The following SLC27A1 variants were observed in gnomAD, a reference collection of about 807,000 sequenced individuals.
The protein encoded by SLC27A1 is long-chain fatty acid transport protein 1.
Under a neutral mutation model 62.2 loss-of-function variants are expected in SLC27A1, and 61 were observed. That is an observed-to-expected ratio of 0.98 (90% CI 0.80 to 1.21). SLC27A1 has a LOEUF of 1.21. Ranked by LOEUF, SLC27A1 falls within the 50% of genes most tolerant of loss-of-function variation. SLC27A1 has a pLI of 0.00. For missense variants in SLC27A1, 903 were observed against 932.1 expected (o/e 0.97, Z 0.41); for synonymous variants, 435 against 408.6 (o/e 1.06, Z -0.78).
At chr19:17,470,298 T>C (rs562164353), upstream of SLC27A1, 19 of 476,930 alleles carry the variant, frequency 4.0e-5, no homozygotes, top group African/African-American at 3.1e-4. Flanking sequence ...GGCCCTGGTC[T>C]GGTTCCTAGT....
intron 6 of SLC27A1, among the ~76,000 whole-genome samples, chr19:17,492,029 A>G (rs1035282363): frequency 6.6e-6 from 1 of 152,096 alleles, no homozygotes; most frequent in Non-Finnish European, 1.5e-5. Context: ...TTGGGGCTGG[A>G]TCATTCCCTG....
intron 7 of SLC27A1, chr19:17,497,751 C>G (rs556423791): frequency 1.1e-4 from 47 of 445,210 alleles, no homozygotes; most frequent in African/African-American, 9.0e-4. Context: ...CCTTTCTGAG[C>G]CTCAGTTTCT....
At chr19:17,503,404 C>G (rs2075438210) in intron 11 of SLC27A1, 2 of 152,166 alleles carry the variant, frequency 1.3e-5, no homozygotes, top group African/African-American at 4.8e-5. Context: ...GCAAAAGCAG[C>G]CATAGACAAT....
chr19:17,490,440 C>T (rs1201565302), intron 6 of SLC27A1, among the ~76,000 whole-genome samples: 1 of 151,822 alleles, frequency 6.6e-6, no homozygotes, highest in Non-Finnish European at 1.5e-5. Context: ...AGGCATGAGC[C>T]ACTGTACCCA....
chr19:17,504,607 C>T lies in SLC27A1; in HGVS notation c.1936C>T (p.Leu646Phe). The change falls in exon 12 of 12, where the codon CTC becomes TTC. Residue 646 changes from leucine (L) to phenylalanine (F), a missense_variant. Physicochemically the swap from Leu to Phe is conservative, Grantham distance 22 (BLOSUM62 0). Transcript: ENST00000252595. ...TCGCATCTGCTCGGGCGCCTTCGCCCTCTGAAGCTGTTCCTCTACTGGCCA... is the reference window on the plus strand; with the variant it reads ...TCGCATCTGCTCGGGCGCCTTCGCCTTCTGAAGCTGTTCCTCTACTGGCCA... ...YTRICSGAFA[L>F] The T allele has an allele frequency of 1.2e-6, 2 of 1,614,098 alleles. No homozygotes were observed. Among genetic ancestry groups the T allele is most frequent in the South Asian group, 1.1e-5 (1 of 91,074 alleles).
At chr19:17,472,394 C>T (rs933692006) in intron 1 of SLC27A1, among the ~76,000 whole-genome samples, 4 of 65,782 alleles carry the variant, frequency 6.1e-5, no homozygotes, top group African/African-American at 2.3e-4. Flanking sequence ...GACTCCGTCT[C>T]AAAAAAAAAA....
At chr19:17,472,529 ATTTG>A (rs751662571) in intron 1 of SLC27A1, among the ~76,000 whole-genome samples, 23 of 151,566 alleles carry the variant, frequency 1.5e-4, no homozygotes, top group South Asian at 2.1e-4. Flanking sequence ...TCTATTGCTC[ATTTG>A]TTTGTTTGTT....
intron 1 of SLC27A1, among the ~76,000 whole-genome samples, chr19:17,471,567 CA>C (rs2075076687): frequency 6.6e-6 from 1 of 152,034 alleles, no homozygotes; most frequent in African/African-American, 2.4e-5. Context: ...TCTATCAGAG[CA>C]GACCTCAGGA....
At chr19:17,503,740 T>G (rs2075442602) in intron 11 of SLC27A1, 1 of 151,940 alleles carries the variant, frequency 6.6e-6, no homozygotes, top group South Asian at 2.1e-4. Flanking sequence ...GAGACCAGCC[T>G]GGCCAACATA....
In SLC27A1 at chr19:17,504,461, T is replaced by A. The variant is rs769999525; in HGVS notation, c.1790T>A (p.Phe597Tyr). Residue 597 changes from phenylalanine to tyrosine, a missense_variant, in exon 12 of 12, where the codon TTC (phenylalanine) becomes TAC (tyrosine). Physicochemically the swap from Phe to Tyr is conservative, Grantham distance 22. Transcript: ENST00000252595. Reference sequence around the variant, plus strand: ...CCCCCCATCCCCACTATAGGCACCTTCAAGATCCAGAAGACGAGGCTGCAG... The same window carrying A: ...CCCCCCATCCCCACTATAGGCACCTACAAGATCCAGAAGACGAGGCTGCAG... Reference protein sequence around the residue: ...LLPQVDTTGTFKIQKTRLQRE... With the variant: ...LLPQVDTTGTYKIQKTRLQRE... 6.2e-7 allele frequency: 1 copy of A among 1,614,080 alleles called. No homozygotes were observed. Among genetic ancestry groups the A allele is most frequent in the South Asian group, 1.1e-5 (1 of 91,076 alleles).
chr19:17,477,125 G>A (rs1228304076), intron 1 of SLC27A1, among the ~76,000 whole-genome samples: 1 of 151,850 alleles, frequency 6.6e-6, no homozygotes, highest in East Asian at 1.9e-4. Flanking sequence ...CTGGCCTCAA[G>A]TGATCCACCC....
At chr19:17,493,681 G>C (rs2075319032) in intron 6 of SLC27A1, among the ~76,000 whole-genome samples, 1 of 151,592 alleles carries the variant, frequency 6.6e-6, no homozygotes, top group African/African-American at 2.4e-5. Context: ...CTGGAATGGA[G>C]TAGTGTGATC....
At position 17,470,524 on chromosome 19, in the gene SLC27A1, C is replaced by G. The variant is rs753983760; in HGVS notation, c.-17C>G. The G allele has an allele frequency of 5.0e-5, 77 of 1,536,880 alleles. No individual in the cohort carries two copies. Among genetic ancestry groups the G allele is most frequent in the Non-Finnish European group, 6.6e-5 (76 of 1,150,986 alleles). Reference sequence around the variant, plus strand: ...GCTGGAGCGGCCCGCGGCCTCAGCTCTCTCTGCTTCCCCAGGATGCGGGCT... The same window carrying G: ...GCTGGAGCGGCCCGCGGCCTCAGCTGTCTCTGCTTCCCCAGGATGCGGGCT... On this transcript the variant is annotated 5_prime_UTR_variant, in exon 1 of 12. Transcript: ENST00000252595.
upstream of SLC27A1, among the ~76,000 whole-genome samples, chr19:17,470,153 A>C (rs2075059008): frequency 3.3e-5 from 5 of 151,858 alleles, no homozygotes; most frequent in Admixed American, 3.3e-4. Flanking sequence ...GTGACCGACA[A>C]GGTGGACATG....
intron 6 of SLC27A1, among the ~76,000 whole-genome samples, chr19:17,493,468 G>A (rs1438263694): frequency 6.9e-6 from 1 of 145,914 alleles, no homozygotes; most frequent in Non-Finnish European, 1.5e-5. Flanking sequence ...AATCTCTAAA[G>A]GTGATGTTTA....
chr19:17,470,358 G>C, upstream of SLC27A1: 1 of 690,334 alleles, frequency 1.4e-6, no homozygotes, highest in Non-Finnish European at 2.2e-6. Context: ...GGCCTGAGGA[G>C]TTGACCAATC....
chr19:17,486,823 G>A lies in SLC27A1; in HGVS notation c.428G>A (p.Gly143Glu). ...IFLEGRPEFV[G>E]LWLGLAKAGM... ...CTGGAGGGCCGGCCGGAGTTCGTGG[G>A]GCTGTGGCTGGGCCTGGCCAAGGCG... is the stretch of plus-strand genomic sequence containing the variant. Residue 143 changes from glycine to glutamate, a missense_variant, in exon 2 of 12, where the codon GGG (glycine) becomes GAG (glutamate). Physicochemically the swap from Gly to Glu is moderately conservative, Grantham distance 98 (BLOSUM62 -2). Coordinates refer to ENST00000252595, the MANE Select transcript of SLC27A1 (RefSeq NM_198580.3). The surrounding 1 kb of genome is among the most constrained non-coding windows in gnomAD (Gnocchi z 6.6). 6.3e-7 allele frequency: 1 copy of A among 1,593,756 alleles called. No individual in the cohort carries two copies. Among genetic ancestry groups the A allele is most frequent in the Non-Finnish European group, 8.5e-7 (1 of 1,173,646 alleles).
intron 1 of SLC27A1, among the ~76,000 whole-genome samples, chr19:17,478,940 T>G (rs527539139): frequency 6.6e-6 from 1 of 151,916 alleles, no homozygotes; most frequent in East Asian, 1.9e-4. Flanking sequence ...CAATTCTGAT[T>G]TTTCACCTCT....
intron 1 of SLC27A1, among the ~76,000 whole-genome samples, chr19:17,473,955 G>GT (rs1255225965): frequency 2.0e-5 from 3 of 152,072 alleles, no homozygotes; most frequent in African/African-American, 4.8e-5. Flanking sequence ...GAAGTTTCTT[G>GT]TTTTTTTGAT....
Sources: allele counts gnomAD v4.1 joint callset (sites outside exome capture counted in the v4.1 genomes callset), GRCh38; gene constraint gnomAD v4.1.1; non-coding constraint Gnocchi (gnomAD v3.1); transcripts MANE v1.5; gene names NCBI Gene and HGNC (gene_info 2026-07-23, HGNC 2026-07-21).